CNTNAP5: variants seen among roughly 807,000 people sequenced by gnomAD.
The protein encoded by CNTNAP5 is contactin associated protein family member 5.
In CNTNAP5, 72 loss-of-function variants were observed where a neutral mutation model predicts 150.2. The observed-to-expected ratio is 0.48, with a 90% CI of 0.40 to 0.58. The LOEUF is 0.58. Ranked by LOEUF, CNTNAP5 falls within the 20% of genes least tolerant of loss-of-function variation. The pLI, the probability that CNTNAP5 is intolerant of heterozygous loss-of-function variation, is 0.00. For missense variants in CNTNAP5, 1,636 were observed against 1,626.2 expected, an observed-to-expected ratio of 1.01 and a Z score of -0.10; for synonymous variants, 672 against 619.8, an observed-to-expected ratio of 1.08 and a Z score of -1.25.
At chr2:124,607,028 T>A (rs538930509) in intron 11 of CNTNAP5, among the ~76,000 whole-genome samples, 4 of 152,232 alleles carry the variant, frequency 2.6e-5, no homozygotes, top group African/African-American at 9.6e-5. Context: ...CATATGTGGA[T>A]TGTGTCTTTG....
intron 4 of CNTNAP5, among the ~76,000 whole-genome samples, chr2:124,433,858 T>C (rs1367082426): frequency 6.6e-6 from 1 of 152,140 alleles, no homozygotes; most frequent in African/African-American, 2.4e-5. Flanking sequence ...GCTTTGACAA[T>C]AAGGAATTAA....
intron 10 of CNTNAP5, among the ~76,000 whole-genome samples, chr2:124,549,000 C>A (rs961511655): frequency 1.3e-5 from 2 of 152,200 alleles, no homozygotes; most frequent in Non-Finnish European, 2.9e-5. Context: ...GGTCTCAGAC[C>A]AGCCTTTACT....
At chr2:124,297,811 TTATTATTATTATTA>T (rs1240257146) in intron 3 of CNTNAP5, among the ~76,000 whole-genome samples, 3 of 14,684 alleles carry the variant, frequency 2.0e-4, no homozygotes, top group South Asian at 1.1e-3. Context: ...ATCCAATTAT[TTATTATTATTATTA>T]TTATTATTAT....
At chr2:124,165,826 A>G (rs1684800900) in intron 1 of CNTNAP5, among the ~76,000 whole-genome samples, 1 of 152,142 alleles carries the variant, frequency 6.6e-6, no homozygotes, top group Admixed American at 6.5e-5. Flanking sequence ...AAACCCCCAG[A>G]TTGCTGACTT....
intron 11 of CNTNAP5, among the ~76,000 whole-genome samples, chr2:124,580,708 C>CATCCCCATCTCTCA (rs1339610341): frequency 6.6e-6 from 1 of 152,184 alleles, no homozygotes; most frequent in Non-Finnish European, 1.5e-5. Flanking sequence ...CTCAGCTGTC[C>CATCCCCATCTCTCA]ATCCCCATCT....
intron 5 of CNTNAP5, among the ~76,000 whole-genome samples, chr2:124,435,452 C>T (rs1002960265): frequency 1.7e-4 from 26 of 151,504 alleles, no homozygotes; most frequent in African/African-American, 5.8e-4. Flanking sequence ...GAGCACAGTT[C>T]CCAAGGATGC....
intron 13 of CNTNAP5, 56 bp from the exon 14 acceptor site, chr2:124,747,173 C>T (rs1368303052): frequency 1.3e-6 from 2 of 1,553,990 alleles, no homozygotes; most frequent in Non-Finnish European, 1.8e-6. Flanking sequence ...CTGTGCCATC[C>T]CCTGTGTTAC....
At chr2:124,533,316 G>A (rs1027687487) in intron 10 of CNTNAP5, among the ~76,000 whole-genome samples, 4 of 152,136 alleles carry the variant, frequency 2.6e-5, no homozygotes, top group African/African-American at 7.2e-5. Flanking sequence ...AGGCAAATTG[G>A]AGCATTTTAA....
chr2:124,400,677 T>TTGG (rs1329158372), intron 3 of CNTNAP5, among the ~76,000 whole-genome samples: 1 of 90,620 alleles, frequency 1.1e-5, no homozygotes, highest in Non-Finnish European at 2.9e-5. Flanking sequence ...TTGTTTTTTT[T>TTGG]TTTTTTTTTT....
At chr2:124,565,505 A>T (rs190273442) in intron 11 of CNTNAP5, among the ~76,000 whole-genome samples, 245 of 152,124 alleles carry the variant, frequency 1.6e-3, no homozygotes, top group African/African-American at 5.7e-3. Context: ...AAATACAATT[A>T]AAAAGAAATT....
chr2:124,123,324 G>A (rs568927239), intron 1 of CNTNAP5, among the ~76,000 whole-genome samples: 8 of 152,214 alleles, frequency 5.3e-5, no homozygotes, highest in South Asian at 2.1e-4. Context: ...GTCTGAGATC[G>A]AACTGCAAAA....
intron 1 of CNTNAP5, among the ~76,000 whole-genome samples, chr2:124,194,393 ATATATATATATATATAT>A (rs1440842025): frequency 1.8e-3 from 23 of 12,522 alleles, no homozygotes; most frequent in Middle Eastern, 0.2. Context: ...ATATATATAT[ATATATATATATATATAT>A]AAATATAAAT....
chr2:124,775,965 C>T (rs1325280489), intron 17 of CNTNAP5, among the ~76,000 whole-genome samples: 3 of 152,094 alleles, frequency 2.0e-5, no homozygotes, highest in Admixed American at 2.0e-4. Context: ...TGCCAACAAG[C>T]CATAGGCCCT....
chr2:124,239,694 AT>A (rs34649478), intron 2 of CNTNAP5, among the ~76,000 whole-genome samples: 28,188 of 149,060 alleles, frequency 0.19, 2,922 homozygotes, highest in East Asian at 0.35. Context: ...TTTCAACAAC[AT>A]TTTTTTTTTT....
At chr2:124,761,724 A>G (rs1033167069) in intron 14 of CNTNAP5, among the ~76,000 whole-genome samples, 1 of 152,114 alleles carries the variant, frequency 6.6e-6, no homozygotes, top group Non-Finnish European at 1.5e-5. Context: ...GTTGCATTAA[A>G]CAGCTTTAGA....
At chr2:124,061,902 C>T (rs1025104853) in intron 1 of CNTNAP5, among the ~76,000 whole-genome samples, 1 of 152,138 alleles carries the variant, frequency 6.6e-6, no homozygotes, top group Non-Finnish European at 1.5e-5. Context: ...CTTTGCCCTC[C>T]CTCTTCATGA....
chr2:124,755,417 G>A (rs1323650040), intron 14 of CNTNAP5, among the ~76,000 whole-genome samples: 1 of 152,050 alleles, frequency 6.6e-6, no homozygotes, highest in Non-Finnish European at 1.5e-5. Flanking sequence ...TTTACCACAG[G>A]GATATTCAGA....
chr2:124,801,066 G>C (rs1371822747), intron 19 of CNTNAP5, among the ~76,000 whole-genome samples: 2 of 152,112 alleles, frequency 1.3e-5, no homozygotes, highest in African/African-American at 4.8e-5. Flanking sequence ...TTGCTCCAGG[G>C]AACCCATAGC....
At chr2:124,895,227 A>G (rs1326914017) in intron 21 of CNTNAP5, among the ~76,000 whole-genome samples, 1 of 151,478 alleles carries the variant, frequency 6.6e-6, no homozygotes, top group Non-Finnish European at 1.5e-5. Context: ...ATTTTTATAT[A>G]AGAAGACTCA....
Sources: gnomAD v4.1 joint callset for allele counts (sites outside exome capture counted in the v4.1 genomes callset) on GRCh38, gnomAD v4.1.1 for gene constraint, MANE v1.5 for transcripts, NCBI Gene and HGNC (gene_info 2026-07-23, HGNC 2026-07-21) for gene names.